ANKS1B: variants seen among roughly 807,000 people sequenced by gnomAD.
The protein encoded by ANKS1B is ankyrin repeat and sterile alpha motif domain-containing protein 1B.
Under a neutral mutation model 148.3 loss-of-function variants are expected in ANKS1B, and 36 were observed. The observed-to-expected ratio is 0.24, with a 90% CI of 0.19 to 0.32. The LOEUF is 0.32. ANKS1B is among the 10% of genes least tolerant of loss of function. The pLI is 1.00. For synonymous variants in ANKS1B, 542 were observed against 560.8 expected (o/e 0.97, Z 0.47); for missense variants, 1,157 against 1,542.6 (o/e 0.75, Z 4.19).
chr12:99,648,006 C>A, intron 9 of ANKS1B: 1 of 913,934 alleles, frequency 1.1e-6, no homozygotes, highest in Non-Finnish European at 1.6e-6. Flanking sequence ...GGTTGGTAAT[C>A]AATACCCCAC....
At chr12:99,064,329 T>C (rs1453284008) in intron 16 of ANKS1B, among the ~76,000 whole-genome samples, 1 of 152,136 alleles carries the variant, frequency 6.6e-6, no homozygotes, top group East Asian at 1.9e-4. Context: ...TCTTAGATCA[T>C]GGAGTAAAAT....
chr12:98,891,374 GA>G lies in ANKS1B; in HGVS notation c.2779-59239del, dbSNP rs112777812. Among the ~76,000 whole-genome samples the G allele has an allele frequency of 5.6e-4, 80 of 143,530 alleles. 1 individual carries two copies. The highest frequency in any genetic ancestry group is 1.5e-3 in the South Asian group (7 of 4,578). 94.2% of individuals were successfully genotyped at this position (143,530 alleles called of 152,430 possible). A position where few individuals can be genotyped will look rare whatever the true frequency, so the allele number is the denominator to read the frequency against. On this transcript the variant is annotated intron_variant, in intron 17 of 26. Transcript: ENST00000683438. ...CAATATATTCTCACAATTTTTTAAA[GA>G]AAAAAAAAAGAACTCAGCTTAATCA...
At chr12:99,570,510 G>A (rs139640278) in intron 9 of ANKS1B, among the ~76,000 whole-genome samples, 8,288 of 152,186 alleles carry the variant, frequency 0.054, 349 homozygotes, top group East Asian at 0.24. Context: ...AGCTGGGCAT[G>A]GTGGCGGGTG....
At chr12:99,076,082 A>C (rs2047774299) in intron 16 of ANKS1B, among the ~76,000 whole-genome samples, 1 of 152,072 alleles carries the variant, frequency 6.6e-6, no homozygotes, top group Admixed American at 6.6e-5. Context: ...AAGGGAAATG[A>C]CTAGTATATA....
chr12:99,056,601 T>C (rs1314214076), intron 16 of ANKS1B, among the ~76,000 whole-genome samples: 2 of 152,196 alleles, frequency 1.3e-5, no homozygotes, highest in Non-Finnish European at 2.9e-5. Flanking sequence ...AAATGTCCTA[T>C]TCCAGCATTC....
intron 12 of ANKS1B, among the ~76,000 whole-genome samples, chr12:99,302,277 A>C (rs1458208050): frequency 1.3e-5 from 2 of 152,076 alleles, no homozygotes; most frequent in African/African-American, 4.8e-5. Flanking sequence ...CAAACACTAA[A>C]TTTTTTCCAT....
intron 11 of ANKS1B, among the ~76,000 whole-genome samples, chr12:99,424,622 A>AACACACAC (rs200308044): frequency 8.1e-5 from 12 of 147,464 alleles, no homozygotes; most frequent in Admixed American, 3.4e-4. Context: ...AGGTAGCAGA[A>AACACACAC]ACACACACAC....
At chr12:99,026,056 C>T (rs922633975) in intron 17 of ANKS1B, among the ~76,000 whole-genome samples, 34 of 152,286 alleles carry the variant, frequency 2.2e-4, no homozygotes, top group African/African-American at 7.9e-4. Context: ...TCCAGTTTAG[C>T]TAGGTTGACA....
chr12:99,420,155 C>T (rs2095039444), intron 11 of ANKS1B, among the ~76,000 whole-genome samples: 1 of 152,156 alleles, frequency 6.6e-6, no homozygotes, highest in Non-Finnish European at 1.5e-5. Context: ...CCAGCTCTCT[C>T]AACACTTAAA....
At chr12:99,327,291 TATA>T (rs1308922475) in intron 12 of ANKS1B, among the ~76,000 whole-genome samples, 1 of 115,730 alleles carries the variant, frequency 8.6e-6, no homozygotes, top group Non-Finnish European at 1.7e-5. Flanking sequence ...AATTATAACA[TATA>T]AAATATGTAA....
chr12:99,141,953 A>G (rs2070989482), intron 15 of ANKS1B, among the ~76,000 whole-genome samples: 1 of 151,798 alleles, frequency 6.6e-6, no homozygotes, highest in East Asian at 1.9e-4. Flanking sequence ...TTTTGGTAGC[A>G]TTCTACCTGA....
intron 26 of ANKS1B, among the ~76,000 whole-genome samples, chr12:98,748,392 C>T (rs775933173): frequency 3.3e-5 from 5 of 152,102 alleles, no homozygotes; most frequent in South Asian, 2.1e-4. Context: ...ACTCCTGGGG[C>T]GGGGCCGGGC....
chr12:99,814,412 T>C (rs766044013), intron 2 of ANKS1B, among the ~76,000 whole-genome samples: 45 of 151,712 alleles, frequency 3.0e-4, no homozygotes, highest in Admixed American at 1.5e-3. Flanking sequence ...TAAAATACTT[T>C]AGAAGTGAAA....
chr12:98,933,796 T>C (rs911477223), intron 17 of ANKS1B, among the ~76,000 whole-genome samples: 8 of 152,096 alleles, frequency 5.3e-5, no homozygotes, highest in Admixed American at 5.2e-4. Flanking sequence ...ATGTCCTCTT[T>C]GGAGAAATGT....
At chr12:99,491,513 A>G (rs917287475) in intron 10 of ANKS1B, among the ~76,000 whole-genome samples, 9 of 151,988 alleles carry the variant, frequency 5.9e-5, no homozygotes, top group African/African-American at 2.2e-4. Context: ...TCCAATACTT[A>G]TTTATTCTGA....
intron 1 of ANKS1B, among the ~76,000 whole-genome samples, chr12:99,861,074 C>T (rs1016322974): frequency 6.6e-6 from 1 of 152,176 alleles, no homozygotes; most frequent in African/African-American, 2.4e-5. Flanking sequence ...ACTGATCAGA[C>T]CATGTTCAAA....
intron 17 of ANKS1B, among the ~76,000 whole-genome samples, chr12:98,954,137 G>A (rs2099858562): frequency 6.6e-6 from 1 of 152,168 alleles, no homozygotes; most frequent in South Asian, 2.1e-4. Context: ...TTGAAGTGAT[G>A]CATGAAACAC....
chr12:99,411,395 A>T (rs139908865), intron 11 of ANKS1B, among the ~76,000 whole-genome samples: 9 of 152,300 alleles, frequency 5.9e-5, no homozygotes, highest in African/African-American at 1.9e-4. Flanking sequence ...ATTCTTCTTT[A>T]TGGCTGCATA....
At chr12:98,937,429 C>G (rs2099819844) in intron 17 of ANKS1B, among the ~76,000 whole-genome samples, 1 of 152,096 alleles carries the variant, frequency 6.6e-6, no homozygotes, top group Non-Finnish European at 1.5e-5. Flanking sequence ...TTTCCTCCCC[C>G]ATTGCTTCTC....
Sources: gnomAD v4.1 joint callset for allele counts (sites outside exome capture counted in the v4.1 genomes callset) on GRCh38, gnomAD v4.1.1 for gene constraint, MANE v1.5 for transcripts, NCBI Gene and HGNC (gene_info 2026-07-23, HGNC 2026-07-21) for gene names.